Variants in TSPAN11 observed in about 807,000 individuals in gnomAD.
The protein encoded by TSPAN11 is tetraspanin 11.
In TSPAN11, 29 loss-of-function variants were observed where a neutral mutation model predicts 32.9. The observed-to-expected ratio is 0.88, with a 90% CI of 0.66 to 1.20. The LOEUF (loss-of-function observed/expected upper bound fraction) is 1.20, where lower values mean the gene tolerates loss of function less well. TSPAN11 is among the 50% of genes most tolerant of loss of function. The pLI, the probability that TSPAN11 is intolerant of heterozygous loss-of-function variation, is 0.00. For synonymous variants in TSPAN11, 140 were observed against 141.3 expected (o/e 0.99, Z 0.07); for missense variants, 283 against 329.1 (o/e 0.86, Z 1.08).
At chr12:30,970,861 G>A (rs139178440) in intron 3 of TSPAN11, among the ~76,000 whole-genome samples, 7 of 152,306 alleles carry the variant, frequency 4.6e-5, no homozygotes, top group East Asian at 1.9e-4. Context: ...CAAATGGGCC[G>A]GGCAGCTGCA....
At chr12:31,012,085 C>T in the TSPAN11 span, among the ~76,000 whole-genome samples, 3 of 152,248 alleles carry the variant, frequency 2.0e-5, no homozygotes, top group East Asian at 3.9e-4. Flanking sequence ...ATAAAAAGCC[C>T]GAAGCTGGCG....
At chr12:30,971,836 C>T (rs1487289501) in intron 3 of TSPAN11, among the ~76,000 whole-genome samples, 1 of 102,240 alleles carries the variant, frequency 9.8e-6, no homozygotes, top group Non-Finnish European at 2.2e-5. Flanking sequence ...TCCTGCAAGG[C>T]CTCGTGTAAA....
chr12:30,961,515 C>T (rs1366887930), intron 2 of TSPAN11, among the ~76,000 whole-genome samples: 1 of 151,942 alleles, frequency 6.6e-6, no homozygotes, highest in African/African-American at 2.4e-5. Context: ...CAACAGTGAG[C>T]AGTGTTAATT....
chr12:30,945,797 G>A lies in TSPAN11; in HGVS notation c.-11-8184G>A, dbSNP rs530665429. Among the ~76,000 whole-genome samples the A allele has an allele frequency of 1.2e-4, 19 of 152,188 alleles. No homozygotes were observed. In the East Asian group the frequency reaches 3.3e-3, roughly 26 times the overall value. The stretch of plus-strand genomic sequence containing the variant: ...ATCACCTCACCATCAAGGCATTTGC[G>A]GTTGCTTTTCTGAGATGTCGTATGG... On this transcript the variant is annotated intron_variant, in intron 1 of 7. Coordinates refer to ENST00000546076, the MANE Select transcript of TSPAN11 (RefSeq NM_001370302.1).
At chr12:30,951,852 A>T (rs1938388991) in intron 1 of TSPAN11, among the ~76,000 whole-genome samples, 1 of 152,234 alleles carries the variant, frequency 6.6e-6, no homozygotes, top group South Asian at 2.1e-4. Flanking sequence ...GGAGAATAGG[A>T]AACTCAACTA....
chr12:30,983,536 T>C (rs1939140267), intron 7 of TSPAN11, among the ~76,000 whole-genome samples: 1 of 152,106 alleles, frequency 6.6e-6, no homozygotes, highest in Admixed American at 6.5e-5. Flanking sequence ...CGTATATGTG[T>C]TTAGGGGTGC....
rs1165783847 is a variant in TSPAN11, at chr12:30,991,850, T to C, written c.703-6T>C. The C allele has an allele frequency of 1.9e-6, 3 of 1,614,196 alleles. No homozygotes were observed. In the South Asian group the frequency reaches 3.3e-5, roughly 18 times the overall value. On this transcript the variant is annotated splice_polypyrimidine_tract_variant and splice_region_variant and intron_variant, in intron 7 of 7. Transcript: ENST00000546076. ...TCTTTGCTCCTCTGCTCTCTCCACC[T>C]GGCAGATCTGCGGGATGGTTCTCAC... is the stretch of plus-strand genomic sequence containing the variant.
intron 2 of TSPAN11, among the ~76,000 whole-genome samples, chr12:30,962,736 C>G (rs1433023029): frequency 3.9e-5 from 6 of 152,078 alleles, no homozygotes; most frequent in African/African-American, 1.4e-4. Context: ...CATCCCACAC[C>G]CATTAGAGAA....
At chr12:30,970,153 T>C (rs1938818549) in intron 3 of TSPAN11, among the ~76,000 whole-genome samples, 1 of 152,150 alleles carries the variant, frequency 6.6e-6, no homozygotes, top group Admixed American at 6.5e-5. Flanking sequence ...GAAGTAGCAA[T>C]TGGTCACTTT....
chr12:30,942,222 C>T (rs1195340898), intron 1 of TSPAN11, among the ~76,000 whole-genome samples: 11 of 152,170 alleles, frequency 7.2e-5, no homozygotes, highest in African/African-American at 1.9e-4. Context: ...CTGGCACTGA[C>T]GCCATAAAAT....
Position 30,963,951 on chromosome 12 carries a change from TGTC to T in TSPAN11, c.211_213del (p.Val71del). 1 of 1,614,118 alleles carries T rather than the reference TGTC, an allele frequency of 6.2e-7. No homozygotes were observed. The highest frequency in any genetic ancestry group is 8.5e-7 in the Non-Finnish European group (1 of 1,180,018). On this transcript the variant is annotated inframe_deletion, in exon 3 of 8. Coordinates refer to ENST00000546076, the MANE Select transcript of TSPAN11 (RefSeq NM_001370302.1). ...ACATCCTCATCTTTGCGGGCGTACT[TGTC>T]ATGGTGACCGGCTTCCTGGGCTTCG...
intron 1 of TSPAN11, among the ~76,000 whole-genome samples, chr12:30,929,463 A>G (rs1049400042): frequency 6.6e-6 from 1 of 152,210 alleles, no homozygotes; most frequent in Non-Finnish European, 1.5e-5. Context: ...TGAGAACTCG[A>G]ACCCATCTAT....
chr12:30,943,745 C>T (rs1274204678), intron 1 of TSPAN11, among the ~76,000 whole-genome samples: 1 of 152,208 alleles, frequency 6.6e-6, no homozygotes, highest in Non-Finnish European at 1.5e-5. Context: ...GAGGAAGTCT[C>T]ACTTCTATGA....
At chr12:30,952,430 G>A (rs757675294) in intron 1 of TSPAN11, among the ~76,000 whole-genome samples, 7 of 152,124 alleles carry the variant, frequency 4.6e-5, no homozygotes, top group East Asian at 3.8e-4. Flanking sequence ...ACCCTACCTC[G>A]AAAACTGAAT....
rs1938934585 is a variant in TSPAN11, at chr12:30,975,058, G to T, written c.277-3503G>T. ...GGACAGGCAGGGCAAAGGCCCAAAG[G>T]CTGGACGCTTGGCCTGTGTGAAGAG... is the stretch of plus-strand genomic sequence containing the variant. On this transcript the variant is annotated intron_variant, in intron 3 of 7. Transcript: ENST00000546076. The surrounding 1 kb of genome is among the most constrained non-coding windows in gnomAD (Gnocchi z 4.5). Among the ~76,000 whole-genome samples, 1 of 152,224 alleles carries T rather than the reference G, an allele frequency of 6.6e-6. No homozygotes were observed. Among genetic ancestry groups the T allele is most frequent in the South Asian group, 2.1e-4 (1 of 4,836 alleles).
chr12:30,979,816 G>A, intron 5 of TSPAN11, 146 bp downstream of exon 5: 1 of 754,378 alleles, frequency 1.3e-6, no homozygotes, highest in Non-Finnish European at 2.2e-6. Context: ...CCTCTTTAGG[G>A]CACATGAGCA....
the TSPAN11 span, chr12:31,015,819 G>A: frequency 3.3e-5 from 5 of 152,190 alleles, no homozygotes; most frequent in African/African-American, 7.2e-5. The surrounding 1 kb of genome is among the most constrained non-coding windows in gnomAD (Gnocchi z 4.9). Flanking sequence ...ACAGGCACTC[G>A]TTACTCCGGG....
intron 1 of TSPAN11, among the ~76,000 whole-genome samples, chr12:30,948,195 G>C (rs1198851146): frequency 6.6e-6 from 1 of 152,192 alleles, no homozygotes; most frequent in Admixed American, 6.5e-5. Context: ...GCTTTCACAG[G>C]CTGGCATCGA....
In TSPAN11 at chr12:30,977,445, C is replaced by G. The variant is rs1405733623; in HGVS notation, c.277-1116C>G. 2.0e-5 allele frequency among the ~76,000 whole-genome samples: 3 copies of G among 152,258 alleles called. No homozygotes were observed. In the East Asian group the frequency reaches 5.8e-4, roughly 29 times the overall value. ...AGCTGCCCTGCTGTGGCCAGGTGGG[C>G]GGGCAGTGCCCGGGGGCAGCCTGGG... is the stretch of plus-strand genomic sequence containing the variant. On this transcript the variant is annotated intron_variant, in intron 3 of 7. Transcript: ENST00000546076.
Sources: gnomAD v4.1 joint callset for allele counts (sites outside exome capture counted in the v4.1 genomes callset) on GRCh38, gnomAD v4.1.1 for gene constraint, Gnocchi (gnomAD v3.1) non-coding constraint, MANE v1.5 for transcripts, NCBI Gene and HGNC (gene_info 2026-07-23, HGNC 2026-07-21) for gene names.